The following AKAP6 variants were observed in gnomAD, a reference collection of about 807,000 sequenced individuals.
The protein encoded by AKAP6 is A-kinase anchoring protein 6.
AKAP6 carries 58 observed loss-of-function variants against 188.5 expected under a neutral mutation model. That is an observed-to-expected ratio of 0.31 (90% CI 0.25 to 0.38). The LOEUF (loss-of-function observed/expected upper bound fraction) is 0.38. Among genes scored for constraint, AKAP6 ranks in the 10% least tolerant of loss-of-function variants. AKAP6 has a pLI of 1.00. For synonymous variants in AKAP6, 989 were observed against 998.6 expected, an observed-to-expected ratio of 0.99 and a Z score of 0.18; for missense variants, 2,710 against 2,740.0, an observed-to-expected ratio of 0.99 and a Z score of 0.24.
intron 2 of AKAP6, among the ~76,000 whole-genome samples, chr14:32,508,811 G>A (rs1380661612): frequency 6.6e-6 from 1 of 151,656 alleles, no homozygotes; most frequent in Non-Finnish European, 1.5e-5. Context: ...TTCATTCGGT[G>A]GTTGTTTATT....
chr14:32,765,489 T>G (rs1167695363), intron 11 of AKAP6, among the ~76,000 whole-genome samples: 2 of 152,192 alleles, frequency 1.3e-5, no homozygotes, highest in Non-Finnish European at 2.9e-5. Flanking sequence ...CACATTTGCT[T>G]TAACTCCTCT....
At chr14:32,463,679 C>A (rs1203833395) in intron 2 of AKAP6, among the ~76,000 whole-genome samples, 1 of 152,030 alleles carries the variant, frequency 6.6e-6, no homozygotes, top group Non-Finnish European at 1.5e-5. Context: ...CCTAACATCA[C>A]AATAAAAGAA....
chr14:32,344,822 A>G lies in AKAP6; in HGVS notation c.-35+15414A>G, dbSNP rs137895998. 1.7e-3 allele frequency among the ~76,000 whole-genome samples: 257 copies of G among 151,342 alleles called. 1 individual carries two copies. The highest frequency in any genetic ancestry group is 5.9e-3 in the African/African-American group (244 of 41,244). The stretch of plus-strand genomic sequence containing the variant: ...TCCCAGCTACTCAGGAGGCTGAGGC[A>G]TGGGAATCTCTTGAACCTGGGAGGC... On this transcript the variant is annotated intron_variant, in intron 1 of 13. Coordinates refer to ENST00000280979, the MANE Select transcript of AKAP6 (RefSeq NM_004274.5).
intron 2 of AKAP6, among the ~76,000 whole-genome samples, chr14:32,513,021 T>C (rs1214671185): frequency 6.6e-6 from 1 of 152,180 alleles, no homozygotes; most frequent in Non-Finnish European, 1.5e-5. Flanking sequence ...GAGGACTAAG[T>C]TCTCAGATGT....
chr14:32,433,184 C>T (rs1890274428), intron 1 of AKAP6: 1 of 293,316 alleles, frequency 3.4e-6, no homozygotes, highest in South Asian at 4.5e-5. Context: ...CAGCTAAAAA[C>T]CAGGATTTTG....
At chr14:32,657,034 T>A (rs1039829567) in intron 7 of AKAP6, among the ~76,000 whole-genome samples, 6 of 152,126 alleles carry the variant, frequency 3.9e-5, no homozygotes. Context: ...TGATAAAGAC[T>A]CCACAAATTC....
intron 1 of AKAP6, among the ~76,000 whole-genome samples, chr14:32,338,109 T>A (rs114823134): frequency 0.02 from 3,116 of 152,260 alleles, 102 homozygotes; most frequent in African/African-American, 0.07. Flanking sequence ...CTTTTGTTTT[T>A]TGCTTTAGTT....
chr14:32,450,914 A>G (rs1890916253), intron 2 of AKAP6, among the ~76,000 whole-genome samples: 1 of 152,196 alleles, frequency 6.6e-6, no homozygotes, highest in African/African-American at 2.4e-5. Context: ...AATCCCTTCT[A>G]TGTGAATATG....
chr14:32,427,473 A>T (rs777482521), intron 1 of AKAP6, among the ~76,000 whole-genome samples: 17 of 152,202 alleles, frequency 1.1e-4, no homozygotes, highest in Non-Finnish European at 1.8e-4. Context: ...AAAGTTTCCC[A>T]GCTCTTGACC....
intron 2 of AKAP6, among the ~76,000 whole-genome samples, chr14:32,447,655 T>C (rs1397059552): frequency 4.6e-5 from 7 of 152,356 alleles, no homozygotes; most frequent in South Asian, 4.1e-4. Context: ...AAGTTAAATT[T>C]TGAAACCCTT....
intron 1 of AKAP6, among the ~76,000 whole-genome samples, chr14:32,425,931 G>T (rs1012146345): frequency 1.9e-4 from 29 of 152,192 alleles, no homozygotes; most frequent in African/African-American, 6.8e-4. Flanking sequence ...CCATGCCTAT[G>T]TCCTGAATAG....
rs1888594796 is a variant in AKAP6, at chr14:32,388,143, A to G, written c.-34-45317A>G. On this transcript the variant is annotated intron_variant, in intron 1 of 13. Transcript: ENST00000280979. ...CTAGTTTATGTGCATAAAGGTGTTC[A>G]TAGTAGCCTTGAATGATCTTTTGTA... Among the ~76,000 whole-genome samples, 3 of 152,100 alleles carry G rather than the reference A, an allele frequency of 2.0e-5. No individual in the cohort carries two copies. The South Asian group carries it at 6.2e-4, about 32-fold the overall frequency.
chr14:32,418,083 C>G (rs1481440057), intron 1 of AKAP6: 1 of 152,052 alleles, frequency 6.6e-6, no homozygotes, highest in African/African-American at 2.4e-5. Context: ...CTGCAAATGA[C>G]TAAGTAAGAC....
In AKAP6 at chr14:32,391,411, C is replaced by T. The variant is rs145009289; in HGVS notation, c.-34-42049C>T. 3.0e-3 allele frequency among the ~76,000 whole-genome samples: 462 copies of T among 152,280 alleles called. 3 individuals are homozygous for T. Among genetic ancestry groups the T allele is most frequent in the African/African-American group, 0.011 (449 of 41,570 alleles). ...TCTTCAACAGCAGTAGCTGGAAGTT[C>T]ATATCCTTTTTGGCTCTAGTTATCT... On this transcript the variant is annotated intron_variant, in intron 1 of 13. Coordinates refer to ENST00000280979, the MANE Select transcript of AKAP6 (RefSeq NM_004274.5).
chr14:32,690,782 C>G (rs1259870270), intron 8 of AKAP6, among the ~76,000 whole-genome samples: 7 of 152,128 alleles, frequency 4.6e-5, no homozygotes, highest in Non-Finnish European at 8.8e-5. Context: ...AGTTAGAAGA[C>G]TTTTTCTCCC....
chr14:32,538,058 T>G (rs1882765812), intron 3 of AKAP6, among the ~76,000 whole-genome samples: 2 of 152,208 alleles, frequency 1.3e-5, no homozygotes, highest in Non-Finnish European at 2.9e-5. Context: ...AAAGGAACAG[T>G]AGATTTTCAG....
intron 2 of AKAP6, among the ~76,000 whole-genome samples, chr14:32,467,043 A>T (rs1442372197): frequency 6.6e-6 from 1 of 151,546 alleles, no homozygotes; most frequent in African/African-American, 2.4e-5. Flanking sequence ...ACCAGAGCCT[A>T]CTTGAGGTGA....
intron 5 of AKAP6, among the ~76,000 whole-genome samples, chr14:32,585,091 C>A (rs1304560211): frequency 2.0e-5 from 3 of 151,254 alleles, no homozygotes; most frequent in African/African-American, 7.3e-5. Context: ...AGTAAAGCAG[C>A]AGAGCAGGTC....
At chr14:32,434,830 C>G (rs1890329914) in intron 2 of AKAP6, among the ~76,000 whole-genome samples, 1 of 152,148 alleles carries the variant, frequency 6.6e-6, no homozygotes, top group Non-Finnish European at 1.5e-5. Context: ...TCAGCAGATC[C>G]AGAGCCCAGC....
Sources: gnomAD v4.1 joint callset for allele counts (sites outside exome capture counted in the v4.1 genomes callset) on GRCh38, gnomAD v4.1.1 for gene constraint, MANE v1.5 for transcripts, NCBI Gene and HGNC (gene_info 2026-07-23, HGNC 2026-07-21) for gene names.